The following ANTXR2 variants were observed in gnomAD, a reference collection of about 807,000 sequenced individuals.
ANTXR2 encodes the protein anthrax toxin receptor 2.
Under a neutral mutation model 73.7 loss-of-function variants are expected in ANTXR2, and 44 were observed. The observed-to-expected ratio is 0.60, with a 90% CI of 0.47 to 0.77. The LOEUF (loss-of-function observed/expected upper bound fraction) is 0.77. Among genes scored for constraint, ANTXR2 ranks in the 30% least tolerant of loss-of-function variants. The probability of loss-of-function intolerance (pLI) is 0.00; values close to 1 mark genes in which losing one functional copy is unlikely to be tolerated. For synonymous variants in ANTXR2, 217 were observed against 205.9 expected (o/e 1.05, Z -0.46); for missense variants, 604 against 592.5 (o/e 1.02, Z -0.20).
intron 16 of ANTXR2, among the ~76,000 whole-genome samples, chr4:79,976,984 T>C (rs2110010856): frequency 6.6e-6 from 1 of 152,372 alleles, no homozygotes; most frequent in Non-Finnish European, 1.5e-5. Context: ...ATAGTACTAC[T>C]ATATTACTGA....
chr4:80,058,182 C>T lies in ANTXR2; in HGVS notation c.297-2169G>A, dbSNP rs1429797138. 3.9e-5 allele frequency among the ~76,000 whole-genome samples: 6 copies of T among 152,100 alleles called. No individual in the cohort carries two copies. In the South Asian group the frequency reaches 1.0e-3, roughly 26 times the overall value. ...ATCAGCTCACCATTGCTGCTGAGTC[C>T]CAGACAACACCAGCACAAGACTTTA... On this transcript the variant is annotated intron_variant, in intron 3 of 16. Transcript: ENST00000403729.
chr4:79,980,098 G>A (rs1474187974), intron 14 of ANTXR2, among the ~76,000 whole-genome samples: 1 of 152,146 alleles, frequency 6.6e-6, no homozygotes, highest in African/African-American at 2.4e-5. Flanking sequence ...TTAAACTAGA[G>A]TTCTGACCCA....
At chr4:80,031,525 C>CAAAAAAAAAAAAAA in intron 10 of ANTXR2, 98 bp downstream of exon 10, 1 of 995,252 alleles carries the variant, frequency 1.0e-6, no homozygotes, top group East Asian at 3.3e-5. Context: ...CTCTGTATAT[C>CAAAAAAAAAAAAAA]AAAAAAAGAT....
At chr4:80,054,507 T>C (rs373535284) in intron 6 of ANTXR2, among the ~76,000 whole-genome samples, 155 bp from the exon 7 acceptor site, 2 of 151,790 alleles carry the variant, frequency 1.3e-5, no homozygotes, top group East Asian at 3.9e-4. Flanking sequence ...TTAAAGGTGA[T>C]GATACTAGTG....
At chr4:80,032,438 A>G (rs771789719) in intron 9 of ANTXR2, among the ~76,000 whole-genome samples, 50 of 151,872 alleles carry the variant, frequency 3.3e-4, no homozygotes, top group Non-Finnish European at 5.5e-4. Context: ...CAATTGTGGA[A>G]CCTACTATGA....
intron 12 of ANTXR2, among the ~76,000 whole-genome samples, chr4:79,986,842 C>G (rs1388632694): frequency 6.6e-6 from 1 of 152,190 alleles, no homozygotes; most frequent in East Asian, 1.9e-4. Flanking sequence ...TATGCCCAGT[C>G]CCAGTCCCCA....
intron 16 of ANTXR2, among the ~76,000 whole-genome samples, chr4:79,955,083 C>T (rs1162471107): frequency 6.6e-6 from 1 of 152,028 alleles, no homozygotes; most frequent in Non-Finnish European, 1.5e-5. Context: ...TGACACAAGA[C>T]AGCAAAATAC....
rs959384158 is a variant in ANTXR2 at position 79,902,443 on chromosome 4, A to C, written c.*4986T>G. ...ATTTTGACTAAAAAAAGAGGAGTTTAGTAATTTTTCTTTCTGTGGTATACA... is the reference window on the plus strand; with the variant it reads ...ATTTTGACTAAAAAAAGAGGAGTTTCGTAATTTTTCTTTCTGTGGTATACA... On this transcript the variant is annotated 3_prime_UTR_variant, in exon 17 of 17. Transcript: ENST00000403729. The C allele has an allele frequency of 6.6e-6, 1 of 152,164 alleles. No individual in the cohort carries two copies. Among genetic ancestry groups the C allele is most frequent in the Admixed American group, 6.6e-5 (1 of 15,256 alleles). The allele number at this position is 152,164 out of a possible 1,614,324, so 9.4% of individuals were successfully genotyped here.
intron 12 of ANTXR2, among the ~76,000 whole-genome samples, chr4:79,994,220 CA>C (rs1434033013): frequency 3.3e-5 from 5 of 151,988 alleles, no homozygotes; most frequent in Non-Finnish European, 5.9e-5. Context: ...ATTGATTCCC[CA>C]TTTTAACCTA....
intron 16 of ANTXR2, among the ~76,000 whole-genome samples, chr4:79,910,355 A>C (rs999123983): frequency 1.3e-5 from 2 of 151,930 alleles, no homozygotes; most frequent in Non-Finnish European, 2.9e-5. Flanking sequence ...CTGAAAATAT[A>C]AAAATTAGCT....
At chr4:80,062,250 A>G (rs1020095280) in intron 3 of ANTXR2, among the ~76,000 whole-genome samples, 2 of 152,144 alleles carry the variant, frequency 1.3e-5, no homozygotes, top group African/African-American at 4.8e-5. Flanking sequence ...ATTTTGTCAA[A>G]AATATTCTCC....
chr4:80,035,117 T>C (rs185819602), intron 8 of ANTXR2, among the ~76,000 whole-genome samples: 304 of 152,278 alleles, frequency 2.0e-3, no homozygotes, highest in Middle Eastern at 6.8e-3. Flanking sequence ...AGCACAAAAT[T>C]GGAGTTTAAT....
chr4:79,935,812 G>C (rs1223935536), intron 16 of ANTXR2, among the ~76,000 whole-genome samples: 1 of 152,158 alleles, frequency 6.6e-6, no homozygotes, highest in Non-Finnish European at 1.5e-5. Flanking sequence ...GTACGTTGTT[G>C]GCTACTTGTG....
intron 16 of ANTXR2, among the ~76,000 whole-genome samples, chr4:79,950,688 A>G (rs760661066): frequency 6.6e-6 from 1 of 152,224 alleles, no homozygotes; most frequent in Non-Finnish European, 1.5e-5. Context: ...ATTCATTATT[A>G]AAGTAGACCA....
At chr4:79,947,442 C>A (rs1444758306) in intron 16 of ANTXR2, among the ~76,000 whole-genome samples, 3 of 151,990 alleles carry the variant, frequency 2.0e-5, no homozygotes, top group African/African-American at 7.3e-5. Flanking sequence ...AACAGCAAGA[C>A]AAACTCATAG....
chr4:79,994,380 T>C (rs928442744), intron 12 of ANTXR2, among the ~76,000 whole-genome samples: 8 of 152,052 alleles, frequency 5.3e-5, no homozygotes, highest in Non-Finnish European at 8.8e-5. Context: ...ACTCTTAGTT[T>C]TGTGAATTTC....
chr4:80,060,550 T>A (rs544987873), intron 3 of ANTXR2, among the ~76,000 whole-genome samples: 1 of 152,304 alleles, frequency 6.6e-6, no homozygotes, highest in Admixed American at 6.5e-5. Context: ...GAATAGAGAT[T>A]AGTTCCAAGC....
chr4:79,913,676 T>C (rs573807605), intron 16 of ANTXR2, among the ~76,000 whole-genome samples: 62 of 152,310 alleles, frequency 4.1e-4, no homozygotes, highest in African/African-American at 1.5e-3. Context: ...TTTGCAAAAC[T>C]ACTCCCAGTT....
intron 10 of ANTXR2, among the ~76,000 whole-genome samples, chr4:80,023,957 T>C (rs1338716565): frequency 6.6e-6 from 1 of 152,250 alleles, no homozygotes; most frequent in Admixed American, 6.5e-5. Flanking sequence ...TTTACAAATA[T>C]CATTCTTGTT....
Sources: allele counts gnomAD v4.1 joint callset (sites outside exome capture counted in the v4.1 genomes callset), GRCh38; gene constraint gnomAD v4.1.1; transcripts MANE v1.5; gene names NCBI Gene and HGNC (gene_info 2026-07-23, HGNC 2026-07-21).